METAP1: variants seen among roughly 807,000 people sequenced by gnomAD.
METAP1 encodes methionyl aminopeptidase 1.
Under a neutral mutation model 53.8 loss-of-function variants are expected in METAP1, and 28 were observed. That is an observed-to-expected ratio of 0.52 (90% CI 0.39 to 0.71). METAP1 has a LOEUF of 0.71. Ranked by LOEUF, METAP1 falls within the 30% of genes least tolerant of loss-of-function variation. METAP1 has a pLI of 0.00. For synonymous variants in METAP1, 181 were observed against 165.7 expected, an observed-to-expected ratio of 1.09 and a Z score of -0.71; for missense variants, 389 against 479.8, an observed-to-expected ratio of 0.81 and a Z score of 1.77.
chr4:99,036,049 A>G (rs890550373), intron 4 of METAP1: 1 of 154,382 alleles, frequency 6.5e-6, no homozygotes, highest in African/African-American at 2.4e-5. Context: ...ATAGATAATG[A>G]TACTGAGACA....
intron 1 of METAP1, chr4:99,023,583 G>GTAA: frequency 1.0e-6 from 1 of 985,232 alleles, no homozygotes; most frequent in Non-Finnish European, 1.2e-6. Flanking sequence ...GGATCTTAAG[G>GTAA]TAATAGGACA....
intron 2 of METAP1, among the ~76,000 whole-genome samples, chr4:99,029,425 A>C (rs1241251983): frequency 1.3e-5 from 2 of 152,312 alleles, no homozygotes; most frequent in Admixed American, 1.3e-4. Context: ...ACAAAGTAAA[A>C]CTATTAGCTG....
In METAP1 at chr4:99,043,244, T is replaced by C; in HGVS notation, c.517-5T>C. On this transcript the variant is annotated splice_polypyrimidine_tract_variant and splice_region_variant and intron_variant, in intron 6 of 10. Coordinates refer to ENST00000296411, the MANE Select transcript of METAP1 (RefSeq NM_015143.3). Reference sequence around the variant, plus strand: ...ATATTCCAAATTATTTTTTCTGTATTATAGGCATGTATTGCAAGAAATTGC... The same window carrying C: ...ATATTCCAAATTATTTTTTCTGTATCATAGGCATGTATTGCAAGAAATTGC... The C allele has an allele frequency of 1.3e-6, 2 of 1,557,150 alleles. No individual in the cohort carries two copies. The highest frequency in any genetic ancestry group is 1.8e-6 in the Non-Finnish European group (2 of 1,142,832).
At chr4:99,014,949 C>T (rs1334754566) in intron 1 of METAP1, among the ~76,000 whole-genome samples, 1 of 152,170 alleles carries the variant, frequency 6.6e-6, no homozygotes, top group Non-Finnish European at 1.5e-5. Flanking sequence ...CTGAATGGCC[C>T]TCGGGGGCTG....
chr4:99,025,255 G>A, intron 1 of METAP1: 1 of 521,638 alleles, frequency 1.9e-6, no homozygotes, highest in South Asian at 8.3e-5. Flanking sequence ...GAACAAGTTT[G>A]GCCTATGCCT....
chr4:99,024,946 ATTAG>A (rs1427756310), intron 1 of METAP1, among the ~76,000 whole-genome samples: 2 of 152,198 alleles, frequency 1.3e-5, no homozygotes, highest in Non-Finnish European at 1.5e-5. Flanking sequence ...ATCTTCGAGA[ATTAG>A]TTAGATTCTC....
intron 9 of METAP1, among the ~76,000 whole-genome samples, chr4:99,057,105 G>T (rs1248368981): frequency 6.6e-6 from 1 of 152,210 alleles, no homozygotes; most frequent in Non-Finnish European, 1.5e-5. Flanking sequence ...CCTGCCTCAG[G>T]TGATCCACCT....
Position 99,061,353 on chromosome 4 carries a change from C to T in METAP1, c.*36C>T. On this transcript the variant is annotated 3_prime_UTR_variant, in exon 11 of 11. Coordinates refer to ENST00000296411, the MANE Select transcript of METAP1 (RefSeq NM_015143.3). ...GATGGCACATCTCAGTACCTTCTTA[C>T]TGTGCTATGCATTTTATTGAGAGTA... 1 of 1,554,888 alleles carries T rather than the reference C, an allele frequency of 6.4e-7. No individual in the cohort carries two copies.
intron 4 of METAP1, chr4:99,038,083 T>A (rs1225163754): frequency 1.3e-5 from 2 of 152,002 alleles, no homozygotes; most frequent in Non-Finnish European, 2.9e-5. Flanking sequence ...AGCTTCTGTA[T>A]TTTTTAGCTG....
chr4:99,034,368 A>C (rs1375937017), intron 3 of METAP1, 26 bp downstream of exon 3: 2 of 1,317,382 alleles, frequency 1.5e-6, no homozygotes, highest in East Asian at 5.0e-5. Flanking sequence ...AATAAAAACA[A>C]CATTCCAATT....
At chr4:99,053,310 C>T (rs1240061035) in intron 9 of METAP1, among the ~76,000 whole-genome samples, 1 of 152,218 alleles carries the variant, frequency 6.6e-6, no homozygotes, top group East Asian at 1.9e-4. Context: ...AGTGCAGTGG[C>T]ACGATCTCAG....
intron 7 of METAP1, 78 bp from the exon 8 acceptor site, chr4:99,045,101 A>G: frequency 1.4e-6 from 2 of 1,417,914 alleles, no homozygotes; most frequent in South Asian, 2.5e-5. Context: ...AAGTTGCTAG[A>G]TGCTGTCATG....
chr4:99,028,506 A>G (rs1403643247), intron 1 of METAP1, among the ~76,000 whole-genome samples: 1 of 152,160 alleles, frequency 6.6e-6, no homozygotes, highest in Non-Finnish European at 1.5e-5. Context: ...TACTGTAAAT[A>G]AAAGAATCTG....
Position 99,028,802 on chromosome 4 carries a change from A to G in METAP1, c.115-65A>G, listed in dbSNP as rs375673660. 7.8e-5 allele frequency: 94 copies of G among 1,203,088 alleles called. No homozygotes were observed. In the South Asian group the frequency reaches 1.2e-3, roughly 16 times the overall value. 74.5% of individuals were successfully genotyped at this position (1,203,088 alleles called of 1,614,324 possible). A position where few individuals can be genotyped will look rare whatever the true frequency, so the allele number is the denominator to read the frequency against. On this transcript the variant is annotated intron_variant, in intron 1 of 10. Coordinates refer to ENST00000296411, the MANE Select transcript of METAP1 (RefSeq NM_015143.3). ...TTACAATAACTCTTGCTTATATACA[A>G]TATTCCTTAAAATGTTTCTTATTAA...
At chr4:99,008,046 A>G (rs920480233) in intron 1 of METAP1, among the ~76,000 whole-genome samples, 2 of 152,228 alleles carry the variant, frequency 1.3e-5, no homozygotes, top group Admixed American at 6.5e-5. Flanking sequence ...TAAAACAGCT[A>G]AAGAACAGTT....
chr4:99,041,558 AAAAT>A (rs1367399645), intron 6 of METAP1, among the ~76,000 whole-genome samples: 7 of 152,226 alleles, frequency 4.6e-5, no homozygotes, highest in South Asian at 2.1e-4. Context: ...ATAGGGATTA[AAAAT>A]AAATAAATAA....
At chr4:99,030,003 T>G (rs905801448) in intron 2 of METAP1, among the ~76,000 whole-genome samples, 1 of 152,176 alleles carries the variant, frequency 6.6e-6, no homozygotes, top group Non-Finnish European at 1.5e-5. Flanking sequence ...ACTTGTTGAT[T>G]TGTTACCTCT....
At chr4:99,047,804 C>CT (rs1726379934) in intron 8 of METAP1, among the ~76,000 whole-genome samples, 1 of 152,072 alleles carries the variant, frequency 6.6e-6, no homozygotes, top group South Asian at 2.1e-4. Flanking sequence ...ATGAGAACCA[C>CT]TTTTTTTGTT....
intron 4 of METAP1, 124 bp downstream of exon 4, chr4:99,035,584 G>T: frequency 1.4e-6 from 1 of 704,068 alleles, no homozygotes. Flanking sequence ...GTGTTTTCAA[G>T]CACCATTAGA....
Sources: gnomAD v4.1 joint callset for allele counts (sites outside exome capture counted in the v4.1 genomes callset) on GRCh38, gnomAD v4.1.1 for gene constraint, MANE v1.5 for transcripts, NCBI Gene and HGNC (gene_info 2026-07-23, HGNC 2026-07-21) for gene names.